Variants in TENM2 observed in about 807,000 individuals in gnomAD.
TENM2 encodes the protein teneurin-2.
A neutral mutation model predicts 245.2 loss-of-function variants in TENM2; 52 were observed. The ratio of observed to expected loss-of-function variants is 0.21; its 90% CI spans 0.17 to 0.27. The LOEUF is 0.27. Ranked by LOEUF, TENM2 falls within the 10% of genes least tolerant of loss-of-function variation. The pLI is 1.00. For missense variants in TENM2, 3,046 were observed against 3,666.8 expected (o/e 0.83, Z 4.37); for synonymous variants, 1,363 against 1,438.9 (o/e 0.95, Z 1.19).
chr5:168,049,936 G>A (rs531186867), intron 6 of TENM2, among the ~76,000 whole-genome samples: 2 of 152,234 alleles, frequency 1.3e-5, no homozygotes, highest in Admixed American at 6.5e-5. Flanking sequence ...CAGAGTGGCT[G>A]GGACTACAGG....
chr5:168,050,579 A>G (rs1398158587), intron 6 of TENM2, among the ~76,000 whole-genome samples: 2 of 152,246 alleles, frequency 1.3e-5, no homozygotes, highest in Non-Finnish European at 2.9e-5. Flanking sequence ...ATTACTGGAT[A>G]AGTATCCAGC....
At chr5:167,056,927 C>T in the TENM2 span, among the ~76,000 whole-genome samples, 1 of 149,714 alleles carries the variant, frequency 6.7e-6, no homozygotes, top group Non-Finnish European at 1.5e-5. Flanking sequence ...GCCTGTGGTC[C>T]TTTCTTTCTT....
intron 10 of TENM2, among the ~76,000 whole-genome samples, chr5:168,119,944 T>G (rs1795354061): frequency 6.6e-6 from 1 of 152,220 alleles, no homozygotes; most frequent in Non-Finnish European, 1.5e-5. Context: ...TATGAGGTTC[T>G]CAGATGCTAA....
At chr5:167,199,986 C>A in the TENM2 span, among the ~76,000 whole-genome samples, 6 of 152,026 alleles carry the variant, frequency 3.9e-5, no homozygotes, top group Non-Finnish European at 8.8e-5. Context: ...AAACTCCTGG[C>A]CTGGTAAGAG....
At chr5:167,979,293 T>C (rs1782661953) in intron 4 of TENM2, among the ~76,000 whole-genome samples, 1 of 152,160 alleles carries the variant, frequency 6.6e-6, no homozygotes. Context: ...AACCATTCTA[T>C]CATATTCTAT....
At chr5:167,108,319 T>C in the TENM2 span, among the ~76,000 whole-genome samples, 1 of 152,038 alleles carries the variant, frequency 6.6e-6, no homozygotes, top group South Asian at 2.1e-4. Context: ...AGAGATGGGG[T>C]TTCACCATGT....
chr5:168,059,799 C>T (rs968515262), intron 6 of TENM2, among the ~76,000 whole-genome samples: 6 of 152,156 alleles, frequency 3.9e-5, no homozygotes, highest in Non-Finnish European at 7.3e-5. Flanking sequence ...AAATAAACAA[C>T]ACCTAATTTA....
At chr5:167,911,298 G>T (rs537865167) in intron 3 of TENM2, among the ~76,000 whole-genome samples, 1 of 152,234 alleles carries the variant, frequency 6.6e-6, no homozygotes, top group East Asian at 1.9e-4. Flanking sequence ...AGGCCGAGAC[G>T]GACGGATCAT....
chr5:167,071,933 A>C, the TENM2 span, among the ~76,000 whole-genome samples: 1 of 135,872 alleles, frequency 7.4e-6, no homozygotes, highest in African/African-American at 2.7e-5. Flanking sequence ...CTAGCACTCA[A>C]CGCTTTTATT....
chr5:167,757,693 T>C (rs1369482545), intron 2 of TENM2, among the ~76,000 whole-genome samples: 2 of 152,156 alleles, frequency 1.3e-5, no homozygotes, highest in Non-Finnish European at 2.9e-5. Context: ...GTTGAACTAA[T>C]TTACACTCCC....
chr5:167,527,978 A>C (rs1771234753), intron 2 of TENM2, among the ~76,000 whole-genome samples: 1 of 152,182 alleles, frequency 6.6e-6, no homozygotes, highest in Non-Finnish European at 1.5e-5. Flanking sequence ...GGAGGGGAAT[A>C]AAAAAGTTTG....
intron 2 of TENM2, among the ~76,000 whole-genome samples, chr5:167,602,474 T>C (rs149948725): frequency 6.6e-6 from 1 of 152,152 alleles, no homozygotes; most frequent in Non-Finnish European, 1.5e-5. Flanking sequence ...AAAATATTTC[T>C]CTATCAATTT....
intron 2 of TENM2, among the ~76,000 whole-genome samples, chr5:167,663,153 A>G (rs1434763888): frequency 8.5e-6 from 1 of 117,020 alleles, no homozygotes; most frequent in Non-Finnish European, 1.8e-5. Context: ...AGAGAGAGAG[A>G]GAGAGAGAGA....
chr5:167,567,725 T>C (rs1045839596), intron 2 of TENM2, among the ~76,000 whole-genome samples: 1 of 152,090 alleles, frequency 6.6e-6, no homozygotes, highest in Admixed American at 6.6e-5. Context: ...AGTAAATAAA[T>C]AAATGGCCTT....
rs1469143613 is a variant in TENM2, at chr5:167,929,098, AAAG to A, written c.713-23487_713-23485del. Among the ~76,000 whole-genome samples, 9 of 143,204 alleles carry A rather than the reference AAAG, an allele frequency of 6.3e-5. No homozygotes were observed. The East Asian group carries it at 1.0e-3, about 17-fold the overall frequency. The allele number at this position is 143,204 out of a possible 152,430, so 93.9% of individuals were successfully genotyped here. On this transcript the variant is annotated intron_variant, in intron 3 of 28. Coordinates refer to ENST00000518659, the Ensembl canonical transcript of TENM2. ...GAAAGAAAGAAAGAAAGAAAGAAAG[AAAG>A]AAAGAAAGAAAGAAAGAAAGAAAGA... is the stretch of plus-strand genomic sequence containing the variant.
At chr5:167,762,514 G>A (rs1308202843) in intron 2 of TENM2, among the ~76,000 whole-genome samples, 2 of 152,150 alleles carry the variant, frequency 1.3e-5, no homozygotes, top group African/African-American at 4.8e-5. Context: ...GATTTAAGCA[G>A]GTGCTCCAGT....
intron 3 of TENM2, among the ~76,000 whole-genome samples, chr5:167,894,234 T>C (rs1220069652): frequency 1.3e-5 from 2 of 152,112 alleles, no homozygotes; most frequent in Non-Finnish European, 2.9e-5. Flanking sequence ...AAAAAATACT[T>C]CCCTCTTTTG....
chr5:167,312,057 G>A (rs1756063846), intron 1 of TENM2, among the ~76,000 whole-genome samples: 1 of 152,162 alleles, frequency 6.6e-6, no homozygotes, highest in Admixed American at 6.5e-5. Flanking sequence ...ATCTGGAGTT[G>A]TAAGCATAAT....
At chr5:167,223,596 TG>T in the TENM2 span, among the ~76,000 whole-genome samples, 3 of 152,140 alleles carry the variant, frequency 2.0e-5, no homozygotes, top group African/African-American at 7.2e-5. Context: ...TATCCACTTA[TG>T]GATACTCACT....
Sources: gnomAD v4.1 joint callset for allele counts (sites outside exome capture counted in the v4.1 genomes callset) on GRCh38, gnomAD v4.1.1 for gene constraint, MANE v1.5 for transcripts, NCBI Gene and HGNC (gene_info 2026-07-23, HGNC 2026-07-21) for gene names.